Variants in TTI1 observed in about 807,000 individuals in gnomAD.
TTI1 encodes TELO2 interacting protein 1, also known as TELO2-interacting protein 1 homolog.
In TTI1, 52 loss-of-function variants were observed where a neutral mutation model predicts 85.4. The observed-to-expected ratio is 0.61, with a 90% CI of 0.49 to 0.77. TTI1 has a LOEUF of 0.77. TTI1 is among the 30% of genes least tolerant of loss of function. The pLI is 0.00. For missense variants in TTI1, 1,173 were observed against 1,296.0 expected (o/e 0.91, Z 1.46); for synonymous variants, 512 against 503.9 (o/e 1.02, Z -0.22).
chr20:38,026,788 CTT>C (rs745925582), intron 1 of TTI1, among the ~76,000 whole-genome samples: 1 of 152,166 alleles, frequency 6.6e-6, no homozygotes, highest in African/African-American at 2.4e-5. Flanking sequence ...TCCTTATCCT[CTT>C]GAGTTTTCAA....
chr20:38,017,717 T>C (rs540368112), intron 1 of TTI1, among the ~76,000 whole-genome samples: 4 of 152,164 alleles, frequency 2.6e-5, no homozygotes, highest in Non-Finnish European at 5.9e-5. Context: ...ACTTACTTGG[T>C]TGGGGTCTTC....
intron 4 of TTI1, chr20:38,000,655 G>A (rs566909260): frequency 1.3e-5 from 2 of 152,660 alleles, no homozygotes; most frequent in Admixed American, 1.3e-4. Flanking sequence ...CCATTGAGGG[G>A]TGAATAATTA....
At chr20:37,994,823 C>T (rs974306871) in intron 7 of TTI1, among the ~76,000 whole-genome samples, 2 of 152,132 alleles carry the variant, frequency 1.3e-5, no homozygotes, top group African/African-American at 4.8e-5. Context: ...GCTCAAGATT[C>T]AGCAAGGTCC....
intron 4 of TTI1, chr20:38,000,353 A>T (rs553422057): frequency 6.5e-6 from 1 of 153,972 alleles, no homozygotes; most frequent in African/African-American, 2.5e-5. Flanking sequence ...CCCTACATAT[A>T]AACTGATATT....
chr20:38,004,058 T>A (rs2073463051), intron 3 of TTI1, among the ~76,000 whole-genome samples: 1 of 152,170 alleles, frequency 6.6e-6, no homozygotes, highest in South Asian at 2.1e-4. Context: ...ATTAGCAACT[T>A]CTTTCATCCT....
intron 4 of TTI1, among the ~76,000 whole-genome samples, chr20:38,002,099 C>T (rs2073434416): frequency 6.6e-6 from 1 of 152,092 alleles, no homozygotes. Flanking sequence ...CAGGGTGATT[C>T]TAAAAGCCCT....
At chr20:38,003,625 G>A (rs897666389) in intron 3 of TTI1, among the ~76,000 whole-genome samples, 8 of 151,934 alleles carry the variant, frequency 5.3e-5, no homozygotes, top group African/African-American at 1.7e-4. Context: ...AGTGGCGGGC[G>A]CCTGTAATCT....
chr20:38,026,035 T>C (rs1423759828), intron 1 of TTI1, among the ~76,000 whole-genome samples: 1 of 152,230 alleles, frequency 6.6e-6, no homozygotes, highest in African/African-American at 2.4e-5. Flanking sequence ...TAAATCTATA[T>C]ATCAAGAAGC....
chr20:38,017,860 T>C (rs1226865739), intron 1 of TTI1, among the ~76,000 whole-genome samples: 1 of 152,130 alleles, frequency 6.6e-6, no homozygotes, highest in African/African-American at 2.4e-5. Context: ...CTATTAGGCT[T>C]TCAACTGAAA....
rs530172873 is a variant in TTI1, at chr20:38,001,950, C to A, written c.2652+678G>T. ...TAAGGCTGGTCTCAAACTCCCAACT[C>A]AGGTGATCCGCCCACCTCAGCTTCC... On this transcript the variant is annotated intron_variant, in intron 4 of 7. Transcript: ENST00000373447. Among the ~76,000 whole-genome samples, 9 of 152,268 alleles carry A rather than the reference C, an allele frequency of 5.9e-5. No individual in the cohort carries two copies. The East Asian group carries it at 1.7e-3, about 29-fold the overall frequency.
intron 1 of TTI1, among the ~76,000 whole-genome samples, chr20:38,027,157 A>C (rs758147453): frequency 6.6e-6 from 1 of 152,230 alleles, no homozygotes; most frequent in Non-Finnish European, 1.5e-5. Context: ...CTCGGTATTC[A>C]CCAGGGACTG....
intron 3 of TTI1, among the ~76,000 whole-genome samples, chr20:38,004,719 G>A (rs889512759): frequency 6.6e-6 from 1 of 152,176 alleles, no homozygotes; most frequent in African/African-American, 2.4e-5. Flanking sequence ...TTGGAAGAAG[G>A]GTTTGACTCT....
rs141718060 is a variant in TTI1, at chr20:38,000,998, C to T, written c.2652+1630G>A. Among the ~76,000 whole-genome samples the T allele has an allele frequency of 8.0e-3, 1,224 of 152,202 alleles. 7 individuals are homozygous for T. The highest frequency in any genetic ancestry group is 0.023 in the African/African-American group (950 of 41,512). ...GAGTAGGTACCCAACACGTATCTGC[C>T]GCATGGGTGAATTACTATTTTCTAT... On this transcript the variant is annotated intron_variant, in intron 4 of 7. Transcript: ENST00000373447.
Position 37,983,240 on chromosome 20 carries a change from C to T in TTI1, c.*216G>A. The T allele has an allele frequency of 1.9e-6, 1 of 524,540 alleles. No homozygotes were observed. The highest frequency in any genetic ancestry group is 3.4e-6 in the Non-Finnish European group (1 of 298,362). 32.5% of individuals were successfully genotyped at this position (524,540 alleles called of 1,614,324 possible). A position where few individuals can be genotyped will look rare whatever the true frequency, so the allele number is the denominator to read the frequency against. On this transcript the variant is annotated 3_prime_UTR_variant, in exon 8 of 8. Coordinates refer to ENST00000373447, the MANE Select transcript of TTI1 (RefSeq NM_001303457.2). The stretch of plus-strand genomic sequence containing the variant: ...CCCTTAGAGCCACCAGACAATGTCA[C>T]TTGACAACACAAGGTATGAAACATA...
chr20:38,001,716 TTC>T (rs1031268261), intron 4 of TTI1, among the ~76,000 whole-genome samples: 8 of 152,124 alleles, frequency 5.3e-5, no homozygotes, highest in East Asian at 1.9e-4. Flanking sequence ...GCAGTTGTGT[TTC>T]TCTCTCTTTT....
intron 1 of TTI1, 57 bp downstream of exon 1, chr20:38,033,347 C>T (rs2073948092): frequency 6.5e-6 from 1 of 153,014 alleles, no homozygotes; most frequent in African/African-American, 2.4e-5. Flanking sequence ...CTCAGGATAC[C>T]CCTCTACAGG....
chr20:38,001,585 A>G (rs751207030), intron 4 of TTI1, among the ~76,000 whole-genome samples: 1 of 152,234 alleles, frequency 6.6e-6, no homozygotes, highest in Admixed American at 6.5e-5. Context: ...TCTTGGGAAG[A>G]CTAAACAAAC....
At chr20:38,028,816 C>T (rs2073869123) in intron 1 of TTI1, among the ~76,000 whole-genome samples, 1 of 152,154 alleles carries the variant, frequency 6.6e-6, no homozygotes, top group African/African-American at 2.4e-5. Context: ...TCAAGCAATC[C>T]TCCCACCTCA....
At chr20:37,987,284 A>ACT in intron 7 of TTI1, 1 of 456,178 alleles carries the variant, frequency 2.2e-6, no homozygotes, top group South Asian at 1.5e-5. Flanking sequence ...GTTGTTGAAA[A>ACT]CTCCTTTTGC....
Sources: gnomAD v4.1 joint callset for allele counts (sites outside exome capture counted in the v4.1 genomes callset) on GRCh38, gnomAD v4.1.1 for gene constraint, MANE v1.5 for transcripts, NCBI Gene and HGNC (gene_info 2026-07-23, HGNC 2026-07-21) for gene names.